B4GALT6: variants seen among roughly 807,000 people sequenced by gnomAD.
B4GALT6 encodes beta-1,4-galactosyltransferase 6.
A neutral mutation model predicts 46.3 loss-of-function variants in B4GALT6; 14 were observed. The ratio of observed to expected loss-of-function variants is 0.30; its 90% CI spans 0.20 to 0.47. The LOEUF (loss-of-function observed/expected upper bound fraction) is 0.47, where lower values mean the gene tolerates loss of function less well. Among genes scored for constraint, B4GALT6 ranks in the 20% least tolerant of loss-of-function variants. The probability of loss-of-function intolerance (pLI) is 0.99; values close to 1 mark genes in which losing one functional copy is unlikely to be tolerated. For synonymous variants in B4GALT6, 168 were observed against 162.0 expected, an observed-to-expected ratio of 1.04 and a Z score of -0.28; for missense variants, 386 against 480.1, an observed-to-expected ratio of 0.80 and a Z score of 1.83.
intron 1 of B4GALT6, among the ~76,000 whole-genome samples, chr18:31,679,785 G>A (rs764832148): frequency 2.6e-5 from 4 of 152,108 alleles, no homozygotes; most frequent in African/African-American, 4.8e-5. Flanking sequence ...CCCCAAAGAC[G>A]TGACTTTCTA....
At chr18:31,664,938 A>G (rs1458003546) in intron 2 of B4GALT6, among the ~76,000 whole-genome samples, 1 of 152,242 alleles carries the variant, frequency 6.6e-6, no homozygotes, top group Non-Finnish European at 1.5e-5. Flanking sequence ...AAATTAAAAT[A>G]AAACAAGAGT....
At position 31,655,786 on chromosome 18, in the gene B4GALT6, C is replaced by T. The variant is rs1292607147; in HGVS notation, c.346+2190G>A. 4.6e-5 allele frequency among the ~76,000 whole-genome samples: 7 copies of T among 152,268 alleles called. No individual in the cohort carries two copies. The East Asian group carries it at 1.3e-3, about 29-fold the overall frequency. ...TCAGTATTACACAGACAAAAGTATT[C>T]ATTTTTAGGAAAACAAGGCTGCAAT... On this transcript the variant is annotated intron_variant, in intron 3 of 8. Transcript: ENST00000306851.
intron 2 of B4GALT6, among the ~76,000 whole-genome samples, chr18:31,664,748 T>C (rs1287142805): frequency 6.6e-6 from 1 of 152,200 alleles, no homozygotes; most frequent in Non-Finnish European, 1.5e-5. Context: ...ATTTTTACAA[T>C]CAACTTATTC....
At chr18:31,664,239 ACTTT>A (rs2074256550) in intron 2 of B4GALT6, among the ~76,000 whole-genome samples, 1 of 152,212 alleles carries the variant, frequency 6.6e-6, no homozygotes, top group South Asian at 2.1e-4. Flanking sequence ...GTGATGACTT[ACTTT>A]AAGGAGCCTC....
At chr18:31,653,834 C>T (rs1163473351) in intron 3 of B4GALT6, among the ~76,000 whole-genome samples, 1 of 152,200 alleles carries the variant, frequency 6.6e-6, no homozygotes, top group South Asian at 2.1e-4. Context: ...TTGTCTCTCC[C>T]GTACCTGCTT....
chr18:31,631,380 A>C (rs2073788975), intron 5 of B4GALT6, among the ~76,000 whole-genome samples: 1 of 151,976 alleles, frequency 6.6e-6, no homozygotes, highest in Non-Finnish European at 1.5e-5. Context: ...ATTATTTTTC[A>C]AACTTGTTGC....
At chr18:31,658,597 T>C (rs2075598441) in intron 2 of B4GALT6, 1 of 152,476 alleles carries the variant, frequency 6.6e-6, no homozygotes, top group Admixed American at 6.5e-5. Flanking sequence ...AAGTTAGTCA[T>C]TCCCAGCCTG....
At chr18:31,657,318 C>A (rs962969008) in intron 3 of B4GALT6, among the ~76,000 whole-genome samples, 1 of 151,806 alleles carries the variant, frequency 6.6e-6, no homozygotes, top group Non-Finnish European at 1.5e-5. Context: ...TATACAAAGA[C>A]GTACCACACA....
At chr18:31,687,573 C>T (rs1051118304), upstream of B4GALT6, among the ~76,000 whole-genome samples, 1 of 152,124 alleles carries the variant, frequency 6.6e-6, no homozygotes, top group Non-Finnish European at 1.5e-5. Context: ...AATGACCTTG[C>T]AGAAATCTAA....
the B4GALT6 span, among the ~76,000 whole-genome samples, chr18:31,692,685 G>C: frequency 6.6e-6 from 1 of 152,186 alleles, no homozygotes; most frequent in African/African-American, 2.4e-5. Flanking sequence ...GTAAGAATTA[G>C]CTAACGCATA....
upstream of B4GALT6, chr18:31,685,513 C>A (rs2074537742): frequency 6.6e-6 from 1 of 151,862 alleles, no homozygotes; most frequent in Middle Eastern, 3.4e-3. Flanking sequence ...TGGAGGTCCC[C>A]GCCCTCCCCG....
the B4GALT6 span, among the ~76,000 whole-genome samples, chr18:31,710,339 A>G: frequency 6.6e-6 from 1 of 152,106 alleles, no homozygotes; most frequent in East Asian, 1.9e-4. Flanking sequence ...ATATCTTACC[A>G]TGACTCCTCT....
intron 3 of B4GALT6, among the ~76,000 whole-genome samples, chr18:31,651,683 C>T (rs1317589143): frequency 6.6e-6 from 1 of 152,138 alleles, no homozygotes; most frequent in Admixed American, 6.5e-5. Context: ...ACTCTTCAAC[C>T]TGAGGCATTG....
At chr18:31,631,177 GA>G in intron 5 of B4GALT6, 31 bp from the exon 6 acceptor site, 1 of 1,478,556 alleles carries the variant, frequency 6.8e-7, no homozygotes, top group Non-Finnish European at 9.2e-7. Flanking sequence ...GAAAAAAATA[GA>G]AATGTACTCA....
At position 31,673,421 on chromosome 18, in the gene B4GALT6, C is replaced by A. The variant is rs550124299; in HGVS notation, c.116-7049G>T. On this transcript the variant is annotated intron_variant, in intron 1 of 8. Coordinates refer to ENST00000306851, the MANE Select transcript of B4GALT6 (RefSeq NM_004775.5). ...AGAGCAGGCCACAGCTATGCTGACA[C>A]CCAGGGCATGCCCAGGCGGAGTGAG... Among the ~76,000 whole-genome samples the A allele has an allele frequency of 2.6e-5, 4 of 152,238 alleles. No homozygotes were observed. In the South Asian group the frequency reaches 8.3e-4, roughly 32 times the overall value.
chr18:31,640,236 T>C (rs1182774741), intron 4 of B4GALT6, among the ~76,000 whole-genome samples: 1 of 152,120 alleles, frequency 6.6e-6, no homozygotes, highest in African/African-American at 2.4e-5. Flanking sequence ...ATTTTACCTA[T>C]ACCAAATAAA....
Position 31,623,100 on chromosome 18 carries a change from C to T in B4GALT6, c.*2514G>A, listed in dbSNP as rs1350900529. The stretch of plus-strand genomic sequence containing the variant: ...TAATAATACTCCTTCCATAGACATA[C>T]CTAGCATTGCACTGGATATGGAATA... On this transcript the variant is annotated 3_prime_UTR_variant, in exon 9 of 9. Transcript: ENST00000306851. 6.6e-6 allele frequency: 1 copy of T among 152,018 alleles called. No individual in the cohort carries two copies. The highest frequency in any genetic ancestry group is 1.5e-5 in the Non-Finnish European group (1 of 67,896). 9.4% of individuals were successfully genotyped at this position (152,018 alleles called of 1,614,324 possible).
At chr18:31,689,042 CAG>C (rs749028139), upstream of B4GALT6, among the ~76,000 whole-genome samples, 12 of 152,132 alleles carry the variant, frequency 7.9e-5, no homozygotes, top group South Asian at 2.1e-4. Context: ...GGTACACTGA[CAG>C]GGGAAAAACT....
intron 4 of B4GALT6, 30 bp from the exon 5 acceptor site, chr18:31,638,790 T>C (rs1255123901): frequency 3.3e-6 from 5 of 1,501,304 alleles, no homozygotes; most frequent in South Asian, 1.1e-5. Context: ...TGTATGTAAA[T>C]AAATATATCT....
Sources: allele counts gnomAD v4.1 joint callset (sites outside exome capture counted in the v4.1 genomes callset), GRCh38; gene constraint gnomAD v4.1.1; transcripts MANE v1.5; gene names NCBI Gene and HGNC (gene_info 2026-07-23, HGNC 2026-07-21).